The following RFX3 variants were observed in gnomAD, a reference collection of about 807,000 sequenced individuals.
RFX3 encodes the protein transcription factor RFX3.
Under a neutral mutation model 98.6 loss-of-function variants are expected in RFX3, and 14 were observed. That is an observed-to-expected ratio of 0.14 (90% confidence interval 0.09 to 0.22). The LOEUF is 0.22. RFX3 is among the 10% of genes least tolerant of loss of function. The pLI is 1.00. For synonymous variants in RFX3, 383 were observed against 328.4 expected (o/e 1.17, Z -1.80); for missense variants, 639 against 926.9 (o/e 0.69, Z 4.03).
chr9:3,245,444 G>A (rs1041193804), intron 15 of RFX3, among the ~76,000 whole-genome samples: 50 of 152,296 alleles, frequency 3.3e-4, no homozygotes, highest in African/African-American at 1.2e-3. Flanking sequence ...GCTCATGTTA[G>A]TAACACAAGG....
At chr9:3,433,259 C>A (rs935782051) in intron 1 of RFX3, among the ~76,000 whole-genome samples, 1 of 152,114 alleles carries the variant, frequency 6.6e-6, no homozygotes, top group African/African-American at 2.4e-5. Context: ...TCTACCTCCT[C>A]CGCCTCTTCC....
rs1283251132 is a variant in RFX3, at chr9:3,348,639, A to G, written c.118-1875T>C. Among the ~76,000 whole-genome samples the G allele has an allele frequency of 2.6e-5, 4 of 152,150 alleles. No individual in the cohort carries two copies. In the East Asian group the frequency reaches 7.7e-4, roughly 29 times the overall value. On this transcript the variant is annotated intron_variant, in intron 2 of 16. Transcript: ENST00000617270. ...AGGATAAGTACATGATTCTTTTTAT[A>G]TTACAGTACTGAAAATGACTTTATC...
intron 2 of RFX3, among the ~76,000 whole-genome samples, chr9:3,388,822 C>T (rs916490123): frequency 2.0e-5 from 3 of 151,848 alleles, no homozygotes; most frequent in Admixed American, 2.0e-4. Context: ...AATAGAAGTC[C>T]CTGAACCCCA....
At chr9:3,484,973 C>T (rs1587831490) in intron 1 of RFX3, among the ~76,000 whole-genome samples, 2 of 150,426 alleles carry the variant, frequency 1.3e-5, no homozygotes, top group Middle Eastern at 6.8e-3. Context: ...TGATGACACA[C>T]CTCTAGTCCT....
chr9:3,387,304 G>C (rs1449353895), intron 2 of RFX3, among the ~76,000 whole-genome samples: 3 of 152,130 alleles, frequency 2.0e-5, no homozygotes, highest in African/African-American at 4.8e-5. Context: ...ATTTAACATA[G>C]TGCCTGGCAC....
chr9:3,258,949 T>C (rs575668295), intron 13 of RFX3, among the ~76,000 whole-genome samples: 105 of 152,068 alleles, frequency 6.9e-4, no homozygotes, highest in African/African-American at 2.5e-3. Flanking sequence ...GATCATATTA[T>C]ATTTTCTATT....
intron 14 of RFX3, 83 bp from the exon 15 acceptor site, chr9:3,248,268 G>T (rs1820941124): frequency 6.9e-7 from 1 of 1,453,948 alleles, no homozygotes; most frequent in African/African-American, 1.4e-5. Flanking sequence ...TTAAAAAAAA[G>T]TCAAGCTGGG....
intron 1 of RFX3, among the ~76,000 whole-genome samples, chr9:3,470,734 A>G (rs1848705890): frequency 6.6e-6 from 1 of 152,192 alleles, no homozygotes; most frequent in Admixed American, 6.5e-5. Context: ...GACAGTTGCT[A>G]TCCTTTACAA....
chr9:3,233,688 A>G (rs1818773751), intron 15 of RFX3, among the ~76,000 whole-genome samples: 1 of 152,208 alleles, frequency 6.6e-6, no homozygotes, highest in South Asian at 2.1e-4. Flanking sequence ...TCATAATCAC[A>G]TTTATGTTAT....
intron 15 of RFX3, among the ~76,000 whole-genome samples, chr9:3,233,982 T>C (rs1231666412): frequency 6.6e-6 from 1 of 152,216 alleles, no homozygotes; most frequent in Non-Finnish European, 1.5e-5. Flanking sequence ...AAAAGCTGCA[T>C]AGAAAAATTG....
At chr9:3,306,124 C>T (rs1441367953) in intron 4 of RFX3, among the ~76,000 whole-genome samples, 1 of 152,094 alleles carries the variant, frequency 6.6e-6, no homozygotes, top group East Asian at 1.9e-4. Flanking sequence ...GATCAGTTAA[C>T]ACCGATGGAA....
intron 1 of RFX3, among the ~76,000 whole-genome samples, chr9:3,424,026 A>G (rs911651738): frequency 4.0e-5 from 6 of 151,322 alleles, no homozygotes; most frequent in African/African-American, 1.2e-4. Context: ...AGGTGCCTGT[A>G]GTCCCAGCTA....
intron 2 of RFX3, among the ~76,000 whole-genome samples, chr9:3,390,093 T>C (rs560503440): frequency 6.6e-6 from 1 of 152,218 alleles, no homozygotes; most frequent in Non-Finnish European, 1.5e-5. Flanking sequence ...TGTATAATAC[T>C]GCAATCCTGA....
chr9:3,348,623 A>G (rs1055852046), intron 2 of RFX3, among the ~76,000 whole-genome samples: 2 of 152,072 alleles, frequency 1.3e-5, no homozygotes, highest in African/African-American at 4.8e-5. Context: ...TAGGATAAGT[A>G]CATGATTCTT....
At chr9:3,286,601 G>C (rs1284505770) in intron 7 of RFX3, among the ~76,000 whole-genome samples, 1 of 151,736 alleles carries the variant, frequency 6.6e-6, no homozygotes, top group Non-Finnish European at 1.5e-5. Context: ...AAATCAAAAA[G>C]TCATCTCTCT....
chr9:3,410,978 T>G (rs1329475675), intron 1 of RFX3, among the ~76,000 whole-genome samples: 1 of 152,268 alleles, frequency 6.6e-6, no homozygotes, highest in East Asian at 1.9e-4. Context: ...TATAACTGAC[T>G]CAAAAATGGT....
chr9:3,237,235 T>C (rs1017975893), intron 15 of RFX3, among the ~76,000 whole-genome samples: 2 of 152,226 alleles, frequency 1.3e-5, no homozygotes, highest in Non-Finnish European at 2.9e-5. Flanking sequence ...TATTTTGTTG[T>C]TTGTGTTTTT....
intron 9 of RFX3, 75 bp downstream of exon 9, chr9:3,275,425 A>G (rs755482741): frequency 1.2e-6 from 1 of 810,946 alleles, no homozygotes; most frequent in Admixed American, 1.9e-5. Flanking sequence ...TTTAGGAATA[A>G]GCTTGATTAT....
chr9:3,492,399 G>C lies in RFX3; in HGVS notation c.-9+33348C>G, dbSNP rs538066544. Among the ~76,000 whole-genome samples, 5 of 152,362 alleles carry C rather than the reference G, an allele frequency of 3.3e-5. No homozygotes were observed. The East Asian group carries it at 9.6e-4, about 29-fold the overall frequency. Reference sequence around the variant, plus strand: ...CATTGCCCTTGGGCCACTCACTTTAGAGAGCTTGCTTTGGCCCTCTGGCCA... The same window carrying C: ...CATTGCCCTTGGGCCACTCACTTTACAGAGCTTGCTTTGGCCCTCTGGCCA... On this transcript the variant is annotated intron_variant, in intron 1 of 16. Coordinates refer to ENST00000617270, the MANE Select transcript of RFX3 (RefSeq NM_001282116.2).
Sources: allele counts gnomAD v4.1 joint callset (sites outside exome capture counted in the v4.1 genomes callset), GRCh38; gene constraint gnomAD v4.1.1; transcripts MANE v1.5; gene names NCBI Gene and HGNC (gene_info 2026-07-23, HGNC 2026-07-21).